The following PHF20 variants were observed in gnomAD, a reference collection of about 807,000 sequenced individuals.
PHF20 encodes the protein PHD finger protein 20.
PHF20 carries 23 observed loss-of-function variants against 113.5 expected under a neutral mutation model. The ratio of observed to expected loss-of-function variants is 0.20; its 90% CI spans 0.15 to 0.29. The LOEUF (loss-of-function observed/expected upper bound fraction) is 0.29, where lower values mean the gene tolerates loss of function less well. PHF20 is among the 10% of genes least tolerant of loss of function. The pLI is 1.00. For missense variants in PHF20, 943 were observed against 1,219.6 expected (o/e 0.77, Z 3.38); for synonymous variants, 434 against 457.3 (o/e 0.95, Z 0.65).
intron 13 of PHF20, among the ~76,000 whole-genome samples, chr20:35,919,646 C>T (rs546017389): frequency 6.6e-6 from 1 of 152,234 alleles, no homozygotes; most frequent in Admixed American, 6.5e-5. Context: ...ATTTTTTCCT[C>T]TCATCTTTGA....
intron 2 of PHF20, among the ~76,000 whole-genome samples, chr20:35,811,220 T>C (rs563082010): frequency 1.6e-3 from 250 of 152,072 alleles, no homozygotes; most frequent in African/African-American, 5.9e-3. Flanking sequence ...CTAATTTTTG[T>C]ATTTTTAGTA....
At chr20:35,798,153 C>T (rs576226130) in intron 1 of PHF20, among the ~76,000 whole-genome samples, 4 of 152,250 alleles carry the variant, frequency 2.6e-5, no homozygotes, top group African/African-American at 9.6e-5. Context: ...TGGCTCATGC[C>T]TCTAATTCCA....
intron 9 of PHF20, among the ~76,000 whole-genome samples, chr20:35,877,378 T>C (rs1163290530): frequency 7.1e-6 from 1 of 141,544 alleles, no homozygotes; most frequent in Non-Finnish European, 1.5e-5. Flanking sequence ...CTGCTGCAAA[T>C]ATTTAGCAAG....
chr20:35,893,123 C>T (rs547823155), intron 9 of PHF20, among the ~76,000 whole-genome samples: 13 of 152,292 alleles, frequency 8.5e-5, no homozygotes, highest in Admixed American at 6.5e-4. Flanking sequence ...GCCAAGCTGG[C>T]GCTCCTTTGG....
At chr20:35,938,110 G>A (rs1351713693) in intron 15 of PHF20, among the ~76,000 whole-genome samples, 1 of 152,072 alleles carries the variant, frequency 6.6e-6, no homozygotes, top group African/African-American at 2.4e-5. Flanking sequence ...CTGACCTCGT[G>A]ATCCTCCTGC....
chr20:35,772,368 G>A (rs2041076689), intron 1 of PHF20, among the ~76,000 whole-genome samples: 1 of 151,848 alleles, frequency 6.6e-6, no homozygotes, highest in African/African-American at 2.4e-5. Flanking sequence ...CGTGGGGTGC[G>A]GGCCCGGGGC....
chr20:35,811,042 CT>C (rs1258466770), intron 2 of PHF20, among the ~76,000 whole-genome samples: 9 of 151,180 alleles, frequency 6.0e-5, no homozygotes, highest in Admixed American at 4.6e-4. Flanking sequence ...TTAGGTTCCA[CT>C]TTTTTTTTAT....
At position 35,931,299 on chromosome 20, in the gene PHF20, G is replaced by A; in HGVS notation, c.2155G>A (p.Gly719Arg). 6.2e-7 allele frequency: 1 copy of A among 1,613,992 alleles called. No individual in the cohort carries two copies. Among genetic ancestry groups the A allele is most frequent in the Non-Finnish European group, 8.5e-7 (1 of 1,179,962 alleles). The change falls in exon 15 of 18, where the codon GGA becomes AGA. Residue 719 changes from glycine to arginine, a missense_variant. This residue lies in a region of PHF20 where 349 missense variants were observed against 412.3 expected (regional missense o/e 0.85). Coordinates refer to ENST00000374012, the MANE Select transcript of PHF20 (RefSeq NM_016436.5). ...YWYDKEWLSRGHMHGLAFLEE... is the reference protein window; with the variant it reads ...YWYDKEWLSRRHMHGLAFLEE... ...GTATGACAAGGAGTGGCTGAGCAGG[G>A]GACATATGCATGGCCTGGCATTTCT...
intron 8 of PHF20, 103 bp downstream of exon 8, chr20:35,871,237 T>G (rs2146990088): frequency 1.1e-6 from 1 of 948,728 alleles, no homozygotes; most frequent in Non-Finnish European, 1.6e-6. Flanking sequence ...TAAATTGTCT[T>G]GAAATCAAAC....
At chr20:35,855,911 T>G (rs1367164044) in intron 4 of PHF20, among the ~76,000 whole-genome samples, 3 of 152,110 alleles carry the variant, frequency 2.0e-5, no homozygotes, top group African/African-American at 7.2e-5. Flanking sequence ...ACTCCTGACC[T>G]CAAGTGATTC....
intron 2 of PHF20, among the ~76,000 whole-genome samples, chr20:35,807,966 T>G (rs1472194705): frequency 1.3e-5 from 2 of 152,182 alleles, no homozygotes; most frequent in Non-Finnish European, 2.9e-5. Context: ...ATATGAAGAT[T>G]CTGTAATTAT....
intron 1 of PHF20, among the ~76,000 whole-genome samples, chr20:35,798,358 A>T (rs1301878627): frequency 2.0e-5 from 3 of 152,188 alleles, no homozygotes; most frequent in Non-Finnish European, 4.4e-5. Context: ...GGCTACAGTG[A>T]TCCAGGTTTG....
At chr20:35,840,836 C>T (rs896773788) in intron 2 of PHF20, among the ~76,000 whole-genome samples, 1 of 152,156 alleles carries the variant, frequency 6.6e-6, no homozygotes, top group African/African-American at 2.4e-5. Context: ...CCTTGGCCAC[C>T]AATTGTAAGG....
chr20:35,805,879 T>G (rs2041870975), intron 2 of PHF20, among the ~76,000 whole-genome samples: 1 of 151,998 alleles, frequency 6.6e-6, no homozygotes, highest in Non-Finnish European at 1.5e-5. Context: ...TTTTTTCGTT[T>G]GGGACAGAGT....
At chr20:35,827,523 G>A (rs1326941149) in intron 2 of PHF20, among the ~76,000 whole-genome samples, 3 of 152,104 alleles carry the variant, frequency 2.0e-5, no homozygotes, top group South Asian at 2.1e-4. Context: ...GGTGGCTCAC[G>A]CCTGTAATCC....
At chr20:35,786,988 G>GTT (rs954417364) in intron 1 of PHF20, among the ~76,000 whole-genome samples, 42 of 128,610 alleles carry the variant, frequency 3.3e-4, no homozygotes, top group African/African-American at 4.3e-4. Flanking sequence ...TCTCTTTCCT[G>GTT]TTTTTTTTTT....
chr20:35,853,712 C>T (rs910836491), intron 4 of PHF20, among the ~76,000 whole-genome samples: 2 of 151,710 alleles, frequency 1.3e-5, no homozygotes, highest in Non-Finnish European at 2.9e-5. Context: ...GAGCTAGGTT[C>T]GTACCACTAC....
At chr20:35,802,493 C>CT (rs1190788255) in intron 2 of PHF20, among the ~76,000 whole-genome samples, 1 of 152,052 alleles carries the variant, frequency 6.6e-6, no homozygotes, top group East Asian at 1.9e-4. Context: ...CCATGCCTGG[C>CT]TAATTCCTTT....
chr20:35,835,941 T>C (rs1050970683), intron 2 of PHF20, among the ~76,000 whole-genome samples: 13 of 151,990 alleles, frequency 8.6e-5, no homozygotes, highest in African/African-American at 2.9e-4. Flanking sequence ...AAAAAACAAA[T>C]AAAATAAGAT....
Sources: gnomAD v4.1 joint callset for allele counts (sites outside exome capture counted in the v4.1 genomes callset) on GRCh38, gnomAD v4.1.1 for gene constraint, gnomAD v4.1.1 regional missense constraint, MANE v1.5 for transcripts, NCBI Gene and HGNC (gene_info 2026-07-23, HGNC 2026-07-21) for gene names.